The following FOXN1 variants were observed in gnomAD, a reference collection of about 807,000 sequenced individuals.
The protein encoded by FOXN1 is forkhead box N1.
In FOXN1, 15 loss-of-function variants were observed where a neutral mutation model predicts 49.0. The ratio of observed to expected loss-of-function variants is 0.31; its 90% CI spans 0.20 to 0.47. FOXN1 has a LOEUF of 0.47. Among genes scored for constraint, FOXN1 ranks in the 20% least tolerant of loss-of-function variants. FOXN1 has a pLI of 1.00. For synonymous variants in FOXN1, 356 were observed against 369.0 expected (o/e 0.96, Z 0.40); for missense variants, 800 against 842.8 (o/e 0.95, Z 0.63).
intron 1 of FOXN1, among the ~76,000 whole-genome samples, chr17:28,515,475 G>A (rs1433772913): frequency 2.0e-5 from 3 of 151,846 alleles, no homozygotes; most frequent in East Asian, 1.9e-4. Context: ...CACTTCCACA[G>A]GGTACATACT....
chr17:28,527,436 C>G (rs896211050), intron 4 of FOXN1, 75 bp downstream of exon 4: 1 of 841,764 alleles, frequency 1.2e-6, no homozygotes, highest in Non-Finnish European at 2.0e-6. Context: ...GTGTGGGTGT[C>G]TATGTGATGG....
intron 1 of FOXN1, among the ~76,000 whole-genome samples, chr17:28,516,756 A>G (rs2069514365): frequency 7.4e-6 from 1 of 135,010 alleles, no homozygotes; most frequent in Admixed American, 7.3e-5. Flanking sequence ...TCCACAGGGT[A>G]CACACCTCCA....
intron 1 of FOXN1, among the ~76,000 whole-genome samples, chr17:28,523,153 G>T (rs2069676351): frequency 6.6e-6 from 1 of 152,184 alleles, no homozygotes; most frequent in Non-Finnish European, 1.5e-5. Context: ...AGCAGAAAAA[G>T]CCCTCCGATA....
At chr17:28,519,628 G>T (rs149445222) in intron 1 of FOXN1, among the ~76,000 whole-genome samples, 1 of 152,250 alleles carries the variant, frequency 6.6e-6, no homozygotes, top group East Asian at 1.9e-4. Flanking sequence ...CAGGATAAAG[G>T]TTGGACCTCT....
intron 1 of FOXN1, among the ~76,000 whole-genome samples, chr17:28,512,808 G>A (rs1303589249): frequency 6.6e-6 from 1 of 152,144 alleles, no homozygotes; most frequent in Non-Finnish European, 1.5e-5. Context: ...GCAGGAGGGT[G>A]GAGGAGGCAG....
At chr17:28,514,456 G>A (rs1470133552) in intron 1 of FOXN1, among the ~76,000 whole-genome samples, 10 of 152,072 alleles carry the variant, frequency 6.6e-5, no homozygotes, top group Non-Finnish European at 1.5e-4. Flanking sequence ...TTGATGGGGA[G>A]AAAGGAGCTA....
intron 6 of FOXN1, among the ~76,000 whole-genome samples, chr17:28,532,145 C>T (rs972246765): frequency 6.6e-6 from 1 of 152,162 alleles, no homozygotes; most frequent in Admixed American, 6.5e-5. Flanking sequence ...AGCCTTCCTT[C>T]CCCACCAGCT....
rs567994435 is a variant in FOXN1, at chr17:28,527,292, T to C, written c.630T>C (p.Gly210=). 1 of 1,614,004 alleles carries C rather than the reference T, an allele frequency of 6.2e-7. No individual in the cohort carries two copies. Among genetic ancestry groups the C allele is most frequent in the African/African-American group, 1.3e-5 (1 of 75,024 alleles). ...VKVKPPVLES[G]AGMFCYQPPL... ...TCAAGCCCCCAGTTCTGGAGAGTGGTGCTGGGATGTTCTGCTACCAGCCTC... is the reference window on the plus strand; with the variant it reads ...TCAAGCCCCCAGTTCTGGAGAGTGGCGCTGGGATGTTCTGCTACCAGCCTC... Residue 210 remains glycine, a synonymous_variant, in exon 4 of 9, where the codon GGT becomes GGC. Coordinates refer to ENST00000579795, the MANE Select transcript of FOXN1 (RefSeq NM_001369369.1).
chr17:28,534,503 A>C lies in FOXN1; in HGVS notation c.1100A>C (p.Asp367Ala). 6.2e-7 allele frequency: 1 copy of C among 1,613,828 alleles called. No homozygotes were observed. Among genetic ancestry groups the C allele is most frequent in the South Asian group, 1.1e-5 (1 of 91,060 alleles). The change falls in exon 7 of 9, where the codon GAT (aspartate) becomes GCT (alanine). Residue 367 changes from aspartate (D) to alanine (A), a missense_variant. This residue lies in a region of FOXN1 where 344 missense variants were observed against 366.1 expected (regional missense o/e 0.94). Transcript: ENST00000579795. This position sits in a 1 kb window ranked among gnomAD's most constrained non-coding sequence, Gnocchi z 4.1. ...GAGCTGCAAAAATGGAAGAGGAAAG[A>C]TCCCATTGCTGTGCGCAAAAGCATG... ...QEELQKWKRK[D>A]PIAVRKSMAK...
intron 5 of FOXN1, 74 bp downstream of exon 5, chr17:28,529,298 T>C: frequency 6.4e-7 from 1 of 1,552,132 alleles, no homozygotes; most frequent in Non-Finnish European, 8.9e-7. Flanking sequence ...AGGCATGGAA[T>C]CCTCTGGGTC....
chr17:28,531,344 G>A (rs866955705), intron 6 of FOXN1, among the ~76,000 whole-genome samples: 8 of 152,170 alleles, frequency 5.3e-5, no homozygotes, highest in Admixed American at 2.6e-4. Context: ...GCCAGAAAGC[G>A]GGGTGTGGGC....
rs1051838765 is a variant in FOXN1, at chr17:28,534,115, A to C, written c.928-216A>C. ...TGCGGGTGGGATGAAGGCAGATTTGAGATGAAAATAACTTGGGGTCAAGGT... is the reference window on the plus strand; with the variant it reads ...TGCGGGTGGGATGAAGGCAGATTTGCGATGAAAATAACTTGGGGTCAAGGT... On this transcript the variant is annotated intron_variant, in intron 6 of 8. Coordinates refer to ENST00000579795, the MANE Select transcript of FOXN1 (RefSeq NM_001369369.1). This position sits in a 1 kb window ranked among gnomAD's most constrained non-coding sequence, Gnocchi z 4.1. 1.3e-5 allele frequency among the ~76,000 whole-genome samples: 2 copies of C among 152,148 alleles called. No individual in the cohort carries two copies. Among genetic ancestry groups the C allele is most frequent in the Non-Finnish European group, 2.9e-5 (2 of 68,032 alleles).
intron 4 of FOXN1, among the ~76,000 whole-genome samples, chr17:28,528,718 C>T (rs1373701393): frequency 3.3e-5 from 5 of 152,218 alleles, no homozygotes; most frequent in Non-Finnish European, 1.5e-5. Context: ...CCAGGCTGGA[C>T]ATCCTGCTTC....
intron 1 of FOXN1, among the ~76,000 whole-genome samples, chr17:28,506,687 G>A (rs2151470556): frequency 6.6e-6 from 1 of 152,314 alleles, no homozygotes; most frequent in South Asian, 2.1e-4. Context: ...CTGTGGTGTG[G>A]GTCTCATTCT....
intron 8 of FOXN1, 100 bp from the exon 9 acceptor site, chr17:28,537,017 C>A: frequency 1.1e-6 from 1 of 934,294 alleles, no homozygotes; most frequent in Non-Finnish European, 1.8e-6. Context: ...TCACCCTGAC[C>A]CCTGCTCTCT....
intron 1 of FOXN1, among the ~76,000 whole-genome samples, chr17:28,521,573 G>C (rs565704229): frequency 1.3e-5 from 2 of 152,216 alleles, no homozygotes; most frequent in Non-Finnish European, 2.9e-5. Flanking sequence ...CGGCCAGCTC[G>C]GCGCTTCCCT....
chr17:28,524,790 G>C lies in FOXN1; in HGVS notation c.411G>C (p.Glu137Asp), dbSNP rs760960446. The change falls in exon 3 of 9, where the codon GAG (glutamate) becomes GAC (aspartate). Residue 137 changes from glutamate (E) to aspartate (D), a missense_variant. By Grantham distance (45) the Glu-to-Asp change is conservative. This residue lies in a region of FOXN1 where 383 missense variants were observed against 357.9 expected (regional missense o/e 1.07). Coordinates refer to ENST00000579795, the MANE Select transcript of FOXN1 (RefSeq NM_001369369.1). ...CTTTCCATGAGGACGTCTTCCCAGA[G>C]GCCGAGACCACCCTGGCCCTCAAAG... is the stretch of plus-strand genomic sequence containing the variant. ...KRPFHEDVFPEAETTLALKGH... is the reference protein window; with the variant it reads ...KRPFHEDVFPDAETTLALKGH... 1 of 1,613,590 alleles carries C rather than the reference G, an allele frequency of 6.2e-7. No homozygotes were observed. The highest frequency in any genetic ancestry group is 1.3e-5 in the African/African-American group (1 of 74,934).
Position 28,538,440 on chromosome 17 carries a change from G to A in FOXN1, c.*1004G>A, listed in dbSNP as rs546547903. 5 of 152,288 alleles carry A rather than the reference G, an allele frequency of 3.3e-5. No individual in the cohort carries two copies. Among genetic ancestry groups the A allele is most frequent in the East Asian group, 1.9e-4 (1 of 5,194 alleles). The allele number at this position is 152,288 out of a possible 1,614,324, so 9.4% of individuals were successfully genotyped here. ...CTCGACTTAGGATGCGGTTATGTCC[G>A]ATAAACCCATTGTAAATTGAAACCA... On this transcript the variant is annotated 3_prime_UTR_variant, in exon 9 of 9. Transcript: ENST00000579795.
At chr17:28,528,577 A>T (rs576517364) in intron 4 of FOXN1, among the ~76,000 whole-genome samples, 1 of 151,986 alleles carries the variant, frequency 6.6e-6, no homozygotes, top group Admixed American at 6.6e-5. Context: ...CCCCCATAAA[A>T]CACCATCCGT....
Sources: gnomAD v4.1 joint callset for allele counts (sites outside exome capture counted in the v4.1 genomes callset) on GRCh38, gnomAD v4.1.1 for gene constraint, gnomAD v4.1.1 regional missense constraint, Gnocchi (gnomAD v3.1) non-coding constraint, MANE v1.5 for transcripts, NCBI Gene and HGNC (gene_info 2026-07-23, HGNC 2026-07-21) for gene names.